The following GNE variants were observed in gnomAD, a reference collection of about 807,000 sequenced individuals.
GNE encodes bifunctional UDP-N-acetylglucosamine 2-epimerase/N-acetylmannosamine kinase.
Under a neutral mutation model 61.8 loss-of-function variants are expected in GNE, and 41 were observed. The ratio of observed to expected loss-of-function variants is 0.66; its 90% confidence interval spans 0.52 to 0.86. The LOEUF is 0.86. GNE is among the 40% of genes least tolerant of loss of function. GNE has a pLI of 0.00. For missense variants in GNE, 608 were observed against 909.1 expected, an observed-to-expected ratio of 0.67 and a Z score of 4.26; for synonymous variants, 264 against 326.4, an observed-to-expected ratio of 0.81 and a Z score of 2.06.
At chr9:36,272,620 CAAAAAAAAAAA>C (rs58934783) in intron 1 of GNE, among the ~76,000 whole-genome samples, 1 of 74,094 alleles carries the variant, frequency 1.3e-5, no homozygotes, top group South Asian at 5.5e-4. Context: ...GACTCCGCCT[CAAAAAAAAAAA>C]AAAAAAAAAA....
chr9:36,261,687 G>A (rs780559651), upstream of GNE, among the ~76,000 whole-genome samples: 5 of 151,990 alleles, frequency 3.3e-5, no homozygotes, highest in African/African-American at 7.3e-5. Context: ...TTGGGAGGCC[G>A]AGGCGGGTGG....
intron 5 of GNE, among the ~76,000 whole-genome samples, chr9:36,233,701 T>C (rs960301611): frequency 6.6e-6 from 1 of 152,096 alleles, no homozygotes; most frequent in Non-Finnish European, 1.5e-5. Flanking sequence ...TTAGTGCTAA[T>C]TGATATTACA....
chr9:36,243,669 C>T (rs1829743121), intron 3 of GNE, among the ~76,000 whole-genome samples: 1 of 151,946 alleles, frequency 6.6e-6, no homozygotes, highest in African/African-American at 2.4e-5. Flanking sequence ...ATAGTGAGAC[C>T]CCATCTCTAC....
intron 3 of GNE, among the ~76,000 whole-genome samples, chr9:36,241,644 A>C (rs1829632946): frequency 6.6e-6 from 1 of 152,082 alleles, no homozygotes; most frequent in Non-Finnish European, 1.5e-5. Context: ...CCTTTCCATA[A>C]AGGCATTTTG....
intron 2 of GNE, among the ~76,000 whole-genome samples, chr9:36,247,774 C>T (rs1398099247): frequency 2.6e-5 from 4 of 152,002 alleles, no homozygotes; most frequent in African/African-American, 9.7e-5. Flanking sequence ...CACCTGTAAT[C>T]CCAGCACTTT....
intron 2 of GNE, 142 bp from the exon 3 acceptor site, chr9:36,246,624 G>C: frequency 5.7e-5 from 28 of 488,778 alleles, no homozygotes; most frequent in East Asian, 1.4e-4. Context: ...AACATAAAAA[G>C]CATAGACCAT....
At chr9:36,276,765 TAAAAA>T (rs1483553997) in intron 1 of GNE, 4 of 739,120 alleles carry the variant, frequency 5.4e-6, no homozygotes, top group Non-Finnish European at 6.7e-6. Context: ...AAAAAGTCTT[TAAAAA>T]TGATGGATTT....
chr9:36,218,143 C>T lies in GNE; in HGVS notation c.1933+40G>A, dbSNP rs1309262383. On this transcript the variant is annotated intron_variant, in intron 11 of 11. Coordinates refer to ENST00000642385, the MANE Select transcript of GNE (RefSeq NM_005476.7). This position sits in a 1 kb window ranked among gnomAD's most constrained non-coding sequence, Gnocchi z 4.1. The stretch of plus-strand genomic sequence containing the variant: ...GGGCTGGGCCATATGATATCTGAGG[C>T]CACCCCCTGCAGCACAGCCACCTGC... 3.6e-6 allele frequency: 5 copies of T among 1,375,054 alleles called. No individual in the cohort carries two copies. The highest frequency in any genetic ancestry group is 1.4e-5 in the African/African-American group (1 of 70,298). The allele number at this position is 1,375,054 out of a possible 1,614,324, so 85.2% of individuals were successfully genotyped here.
At chr9:36,252,743 T>C (rs180686482) in intron 1 of GNE, among the ~76,000 whole-genome samples, 50 of 152,256 alleles carry the variant, frequency 3.3e-4, no homozygotes, top group Admixed American at 5.2e-4. Flanking sequence ...ATTCACATGG[T>C]TTAAAATTGA....
intron 1 of GNE, among the ~76,000 whole-genome samples, chr9:36,266,849 C>T (rs983270161): frequency 2.0e-5 from 3 of 151,878 alleles, no homozygotes; most frequent in Non-Finnish European, 4.4e-5. Flanking sequence ...GCGGAGCTTG[C>T]AGTGAGCCGA....
intron 2 of GNE, among the ~76,000 whole-genome samples, chr9:36,247,425 C>A (rs1256588056): frequency 6.6e-6 from 1 of 152,050 alleles, no homozygotes; most frequent in African/African-American, 2.4e-5. Context: ...TCATCCAATT[C>A]TTCTCCCAAG....
chr9:36,264,708 A>G (rs1237086508), intron 1 of GNE, among the ~76,000 whole-genome samples: 3 of 152,314 alleles, frequency 2.0e-5, no homozygotes, highest in East Asian at 3.9e-4. Flanking sequence ...ACCTTTAAAC[A>G]TGGGGCTTGC....
rs7875447 is a variant in GNE at position 36,276,860 on chromosome 9, A to G, written c.51+34T>C. On this transcript the variant is annotated intron_variant, in intron 1 of 11. Transcript: ENST00000396594. ...CCCTTTTTTTCTGATTGCAATTTCA[A>G]TAATAAAGCTCTATTGAATTCCGAA... 1,171,304 of 1,517,118 alleles carry G rather than the reference A, an allele frequency of 0.77. 456,607 individuals carry two copies. Among genetic ancestry groups the G allele is most frequent in the Non-Finnish European group, 0.8 (885,901 of 1,103,246 alleles). 94.0% of individuals were successfully genotyped at this position (1,517,118 alleles called of 1,614,324 possible). A position where few individuals can be genotyped will look rare whatever the true frequency, so the allele number is the denominator to read the frequency against.
intron 2 of GNE, 150 bp from the exon 3 acceptor site, chr9:36,246,632 C>A: frequency 1.6e-6 from 1 of 607,762 alleles, no homozygotes; most frequent in Non-Finnish European, 2.9e-6. Flanking sequence ...AAGCATAGAC[C>A]ATAAGTGTAA....
intron 1 of GNE, among the ~76,000 whole-genome samples, chr9:36,253,204 TGTATACATACACACATACACAAC>T (rs1272985325): frequency 2.0e-5 from 3 of 151,758 alleles, no homozygotes; most frequent in African/African-American, 7.3e-5. Context: ...TGTATGTATG[TGTATACATACACACATACACAAC>T]GTATATTACA....
At chr9:36,246,517 G>T in intron 2 of GNE, 35 bp from the exon 3 acceptor site, 1 of 1,486,444 alleles carries the variant, frequency 6.7e-7, no homozygotes, top group Non-Finnish European at 9.4e-7. Flanking sequence ...ATAAGAACAT[G>T]TTCTTAAACA....
chr9:36,221,755 A>G (rs1391749794), intron 9 of GNE, among the ~76,000 whole-genome samples: 1 of 151,106 alleles, frequency 6.6e-6, no homozygotes, highest in Non-Finnish European at 1.5e-5. Flanking sequence ...CCAAGGCAGG[A>G]GGATCCCTCG....
rs1354298704 is a variant in GNE at position 36,263,912 on chromosome 9, G to T, written c.51+12982C>A. Among the ~76,000 whole-genome samples the T allele has an allele frequency of 7.2e-5, 11 of 152,218 alleles. No homozygotes were observed. In the South Asian group the frequency reaches 2.3e-3, roughly 32 times the overall value. On this transcript the variant is annotated intron_variant, in intron 1 of 11. Coordinates refer to the GNE transcript ENST00000396594. The stretch of plus-strand genomic sequence containing the variant: ...ATTAGCTAATGTGCATGTTAAAGTA[G>T]CTCTCTGAAACATCTGGACTGGGGA...
At chr9:36,261,601 T>C (rs533815396), upstream of GNE, among the ~76,000 whole-genome samples, 1 of 149,744 alleles carries the variant, frequency 6.7e-6, no homozygotes, top group East Asian at 2.0e-4. Context: ...CTATTTATTC[T>C]GCCTACCACA....
Sources: gnomAD v4.1 joint callset for allele counts (sites outside exome capture counted in the v4.1 genomes callset) on GRCh38, gnomAD v4.1.1 for gene constraint, Gnocchi (gnomAD v3.1) non-coding constraint, MANE v1.5 for transcripts, NCBI Gene and HGNC (gene_info 2026-07-23, HGNC 2026-07-21) for gene names.